The following RERE variants were observed in gnomAD, a reference collection of about 807,000 sequenced individuals.
RERE encodes arginine-glutamic acid dipeptide repeats, also known as arginine-glutamic acid dipeptide repeats protein.
In RERE, 40 loss-of-function variants were observed where a neutral mutation model predicts 146.1. That is an observed-to-expected ratio of 0.27 (90% confidence interval 0.21 to 0.36). RERE has a LOEUF of 0.36. Among genes scored for constraint, RERE ranks in the 10% least tolerant of loss-of-function variants. The probability of loss-of-function intolerance (pLI) is 1.00; values close to 1 mark genes in which losing one functional copy is unlikely to be tolerated. For synonymous variants in RERE, 1,003 were observed against 866.0 expected (o/e 1.16, Z -2.78); for missense variants, 1,933 against 2,138.7 (o/e 0.90, Z 1.90).
At chr1:8,793,881 T>C (rs1569811094) in intron 1 of RERE, among the ~76,000 whole-genome samples, 1 of 151,292 alleles carries the variant, frequency 6.6e-6, no homozygotes, top group Non-Finnish European at 1.5e-5. Context: ...CTGGCCAACA[T>C]GGCAAAACCT....
Position 8,761,301 on chromosome 1 carries a change from G to C in RERE, c.-145+55859C>G, listed in dbSNP as rs1382446445. Among the ~76,000 whole-genome samples, 3 of 152,168 alleles carry C rather than the reference G, an allele frequency of 2.0e-5. No individual in the cohort carries two copies. In the East Asian group the frequency reaches 5.8e-4, roughly 29 times the overall value. On this transcript the variant is annotated intron_variant, in intron 1 of 22. Coordinates refer to ENST00000400908, the MANE Select transcript of RERE (RefSeq NM_001042681.2). Reference sequence around the variant, plus strand: ...CCTTTGGCAATTTTATTCCACCTCGGGGCTTCAACTACCCCATTCTCAGTA... The same window carrying C: ...CCTTTGGCAATTTTATTCCACCTCGCGGCTTCAACTACCCCATTCTCAGTA...
intron 7 of RERE, among the ~76,000 whole-genome samples, chr1:8,516,492 CT>C (rs1234806873): frequency 6.6e-6 from 1 of 152,020 alleles, no homozygotes; most frequent in Non-Finnish European, 1.5e-5. Flanking sequence ...CATTTATTTT[CT>C]TATCTAATCT....
intron 4 of RERE, among the ~76,000 whole-genome samples, chr1:8,591,716 A>G (rs1646496327): frequency 1.3e-5 from 2 of 152,122 alleles, no homozygotes; most frequent in African/African-American, 4.8e-5. Context: ...GCCAACTCCA[A>G]ATTCACTCCA....
At chr1:8,669,916 A>C (rs2124370627) in intron 1 of RERE, among the ~76,000 whole-genome samples, 1 of 152,338 alleles carries the variant, frequency 6.6e-6, no homozygotes, top group African/African-American at 2.4e-5. Context: ...TATAGAAAAA[A>C]ATCAAAAGCA....
chr1:8,750,988 G>T, intron 1 of RERE: 1 of 665,506 alleles, frequency 1.5e-6, no homozygotes, highest in South Asian at 1.7e-5. Context: ...TCTGCATGGA[G>T]GATCTGATTC....
intron 1 of RERE, among the ~76,000 whole-genome samples, chr1:8,789,301 A>AAAAAATATATATATAT: frequency 9.3e-4 from 23 of 24,796 alleles, no homozygotes; most frequent in African/African-American, 5.1e-3. Context: ...AAAAAAAAAA[A>AAAAAATATATATATAT]ATATATATAT....
intron 2 of RERE, among the ~76,000 whole-genome samples, chr1:8,654,081 A>G (rs1647788645): frequency 2.7e-5 from 4 of 150,870 alleles, no homozygotes; most frequent in Admixed American, 2.6e-4. Context: ...GCTCTGCTGC[A>G]CAGGCTGCAG....
chr1:8,714,074 A>G (rs1639718893), intron 1 of RERE, among the ~76,000 whole-genome samples: 1 of 152,236 alleles, frequency 6.6e-6, no homozygotes, highest in African/African-American at 2.4e-5. Flanking sequence ...TTAAAATACA[A>G]ACATAAATGG....
chr1:8,553,108 C>T (rs933114007), intron 6 of RERE, among the ~76,000 whole-genome samples: 2 of 150,182 alleles, frequency 1.3e-5, no homozygotes, highest in South Asian at 4.2e-4. Flanking sequence ...CACCACTAGG[C>T]CAGTACATCC....
At chr1:8,382,896 G>A (rs1016702227) in intron 12 of RERE, among the ~76,000 whole-genome samples, 1 of 151,788 alleles carries the variant, frequency 6.6e-6, no homozygotes, top group African/African-American at 2.4e-5. Flanking sequence ...AAAAGGAGCC[G>A]GCACACATGC....
At chr1:8,368,701 T>C (rs775739991) in intron 12 of RERE, among the ~76,000 whole-genome samples, 3 of 152,092 alleles carry the variant, frequency 2.0e-5, no homozygotes, top group Admixed American at 1.3e-4. Flanking sequence ...TATAATCAAT[T>C]ATTTCTATTT....
intron 4 of RERE, among the ~76,000 whole-genome samples, chr1:8,574,798 G>A (rs1243144416): frequency 6.6e-6 from 1 of 152,134 alleles, no homozygotes; most frequent in Non-Finnish European, 1.5e-5. Context: ...AGGGCACGAG[G>A]GTAACCTCTG....
At chr1:8,666,063 CCA>C (rs1450065640) in intron 1 of RERE, among the ~76,000 whole-genome samples, 2 of 152,150 alleles carry the variant, frequency 1.3e-5, no homozygotes, top group Admixed American at 1.3e-4. Flanking sequence ...ATATGCTTAA[CCA>C]CAAAGCCATC....
At chr1:8,633,643 T>A (rs1342720498) in intron 2 of RERE, among the ~76,000 whole-genome samples, 1 of 150,008 alleles carries the variant, frequency 6.7e-6, no homozygotes. Context: ...AAGAAACTTA[T>A]TGGCTGCGCA....
intron 11 of RERE, among the ~76,000 whole-genome samples, chr1:8,433,969 T>C (rs1250010287): frequency 2.0e-5 from 3 of 152,220 alleles, no homozygotes; most frequent in African/African-American, 7.2e-5. Flanking sequence ...TCTTTTCCTC[T>C]TTTTCCTAAT....
intron 4 of RERE, among the ~76,000 whole-genome samples, chr1:8,588,730 A>G (rs1000488960): frequency 6.6e-6 from 1 of 152,224 alleles, no homozygotes; most frequent in Non-Finnish European, 1.5e-5. Context: ...TCATCCCTCA[A>G]GTAGAAACAG....
intron 1 of RERE, among the ~76,000 whole-genome samples, chr1:8,688,560 C>CAA (rs59131646): frequency 1.8e-3 from 253 of 137,360 alleles, no homozygotes; most frequent in African/African-American, 6.6e-3. Context: ...GACTCCATCT[C>CAA]AAAAAAAAAA....
At chr1:8,688,926 G>A (rs1639148866) in intron 1 of RERE, among the ~76,000 whole-genome samples, 1 of 151,986 alleles carries the variant, frequency 6.6e-6, no homozygotes, top group Admixed American at 6.6e-5. Flanking sequence ...CTTAGGATGG[G>A]TTTCCTGGGA....
At chr1:8,671,603 GT>G (rs145719582) in intron 1 of RERE, among the ~76,000 whole-genome samples, 1,595 of 152,284 alleles carry the variant, frequency 0.01, 28 homozygotes, top group African/African-American at 0.037. Context: ...TTCTTGCCTT[GT>G]AAATTAATTC....
Sources: gnomAD v4.1 joint callset for allele counts (sites outside exome capture counted in the v4.1 genomes callset) on GRCh38, gnomAD v4.1.1 for gene constraint, MANE v1.5 for transcripts, NCBI Gene and HGNC (gene_info 2026-07-23, HGNC 2026-07-21) for gene names.